Variants in EPHB1 observed in about 807,000 individuals in gnomAD.
The protein encoded by EPHB1 is ephrin type-B receptor 1.
EPHB1 carries 30 observed loss-of-function variants against 94.4 expected under a neutral mutation model. The ratio of observed to expected loss-of-function variants is 0.32; its 90% CI spans 0.24 to 0.43. The LOEUF (loss-of-function observed/expected upper bound fraction) is 0.43. EPHB1 is among the 20% of genes least tolerant of loss of function. The pLI, the probability that EPHB1 is intolerant of heterozygous loss-of-function variation, is 1.00. For synonymous variants in EPHB1, 522 were observed against 489.1 expected, an observed-to-expected ratio of 1.07 and a Z score of -0.89; for missense variants, 1,055 against 1,308.3, an observed-to-expected ratio of 0.81 and a Z score of 2.99.
At chr3:135,235,756 T>C (rs1266174604) in intron 12 of EPHB1, among the ~76,000 whole-genome samples, 1 of 152,148 alleles carries the variant, frequency 6.6e-6, no homozygotes, top group Non-Finnish European at 1.5e-5. Context: ...GGAGTGGCCA[T>C]CTGAGTCTGG....
chr3:135,152,325 G>A (rs1046548811), intron 5 of EPHB1, among the ~76,000 whole-genome samples: 1 of 152,188 alleles, frequency 6.6e-6, no homozygotes, highest in Non-Finnish European at 1.5e-5. Flanking sequence ...ATGTAAATTG[G>A]TGAGACTTAC....
intron 12 of EPHB1, among the ~76,000 whole-genome samples, chr3:135,225,351 G>A (rs1943369399): frequency 6.6e-6 from 1 of 152,200 alleles, no homozygotes; most frequent in Admixed American, 6.5e-5. Context: ...GCTTGCCACT[G>A]ACAGATGTCA....
intron 1 of EPHB1, among the ~76,000 whole-genome samples, chr3:134,906,990 T>C (rs2038345500): frequency 6.6e-6 from 1 of 152,248 alleles, no homozygotes; most frequent in East Asian, 1.9e-4. Context: ...TTATAAACTC[T>C]AATGGCTAGA....
intron 3 of EPHB1, among the ~76,000 whole-genome samples, chr3:135,105,184 T>C (rs896484876): frequency 3.9e-5 from 6 of 152,234 alleles, no homozygotes; most frequent in African/African-American, 1.4e-4. Flanking sequence ...TAGCTTTCTA[T>C]AAGTAGAAAC....
At chr3:134,971,867 G>A (rs1028174712) in intron 3 of EPHB1, among the ~76,000 whole-genome samples, 3 of 152,146 alleles carry the variant, frequency 2.0e-5, no homozygotes, top group African/African-American at 7.2e-5. Flanking sequence ...GACCAAGTGG[G>A]CTAAAATTCT....
intron 12 of EPHB1, among the ~76,000 whole-genome samples, chr3:135,210,400 A>G (rs915952457): frequency 2.6e-5 from 4 of 152,208 alleles, no homozygotes; most frequent in African/African-American, 7.2e-5. Context: ...CCAAATGAAG[A>G]TGCACATTTA....
At chr3:134,821,366 TCACAG>T (rs2108289985) in intron 1 of EPHB1, among the ~76,000 whole-genome samples, 1 of 151,862 alleles carries the variant, frequency 6.6e-6, no homozygotes, top group South Asian at 2.1e-4. Flanking sequence ...AAGTTAACCA[TCACAG>T]GATTTTTAAA....
intron 1 of EPHB1, among the ~76,000 whole-genome samples, chr3:134,811,109 A>G (rs1393562529): frequency 6.6e-6 from 1 of 151,914 alleles, no homozygotes; most frequent in African/African-American, 2.4e-5. Context: ...TTAGCCTCCC[A>G]GGTGAGAATT....
chr3:135,199,328 G>A (rs1266126156), intron 11 of EPHB1, among the ~76,000 whole-genome samples: 2 of 152,174 alleles, frequency 1.3e-5, no homozygotes, highest in Non-Finnish European at 2.9e-5. Context: ...GACCTACTTG[G>A]AGAAAATGCT....
chr3:134,894,333 C>G (rs1476625204), intron 1 of EPHB1, among the ~76,000 whole-genome samples: 3 of 152,212 alleles, frequency 2.0e-5, no homozygotes, highest in Non-Finnish European at 4.4e-5. Context: ...CAGGTCACCC[C>G]TCTCTTGGGC....
chr3:135,013,998 G>A (rs750889838), intron 3 of EPHB1, among the ~76,000 whole-genome samples: 16 of 152,082 alleles, frequency 1.1e-4, no homozygotes, highest in African/African-American at 7.2e-5. Flanking sequence ...TGCTTGAGTC[G>A]GGAGCCATGG....
chr3:134,889,480 A>C (rs990880374), intron 1 of EPHB1, among the ~76,000 whole-genome samples: 1 of 152,134 alleles, frequency 6.6e-6, no homozygotes, highest in African/African-American at 2.4e-5. Flanking sequence ...GGACAAGTAG[A>C]TATCCCTCTG....
chr3:134,996,014 C>A (rs1006052952), intron 3 of EPHB1, among the ~76,000 whole-genome samples: 5 of 151,952 alleles, frequency 3.3e-5, no homozygotes, highest in Admixed American at 2.6e-4. Flanking sequence ...TCATTTCTCT[C>A]CTTCATGTGA....
intron 12 of EPHB1, among the ~76,000 whole-genome samples, chr3:135,228,002 A>G (rs1177252063): frequency 1.3e-5 from 2 of 152,196 alleles, no homozygotes; most frequent in Non-Finnish European, 2.9e-5. Flanking sequence ...AGGGAGGGAT[A>G]TTCTCTTACA....
intron 4 of EPHB1, among the ~76,000 whole-genome samples, chr3:135,125,124 G>A (rs1343792868): frequency 1.3e-5 from 2 of 151,718 alleles, no homozygotes; most frequent in Middle Eastern, 3.4e-3. Flanking sequence ...TTGAGAGGTG[G>A]ATGTCTTTGG....
At chr3:135,076,334 G>A (rs1937920732) in intron 3 of EPHB1, among the ~76,000 whole-genome samples, 1 of 150,720 alleles carries the variant, frequency 6.6e-6, no homozygotes, top group Non-Finnish European at 1.5e-5. Flanking sequence ...GGGGATTTCA[G>A]CAAAGAAGAT....
rs1941291200 is a variant in EPHB1 at position 135,154,434 on chromosome 3, C to T, written c.1422+158C>T. The T allele has an allele frequency of 4.0e-6, 4 of 1,010,572 alleles. No homozygotes were observed. The Admixed American group carries it at 8.7e-5, about 22-fold the overall frequency. The allele number at this position is 1,010,572 out of a possible 1,614,324, so 62.6% of individuals were successfully genotyped here. On this transcript the variant is annotated intron_variant, in intron 6 of 15. Transcript: ENST00000398015. ...CCTGGGAGAGTTCTCCAGGTCTGCC[C>T]TGACAAAGCCTTGTTCAAAGCCCAG...
rs776717237 is a variant in EPHB1 at position 135,249,510 on chromosome 3, T to A, written c.2846+19T>A. On this transcript the variant is annotated intron_variant, in intron 15 of 15. Coordinates refer to ENST00000398015, the MANE Select transcript of EPHB1 (RefSeq NM_004441.5). ...CATCAGAGTAAGTGATGAGAATCTC[T>A]CTGTCCAGACCACACCTAGGGGTCA... The A allele has an allele frequency of 9.3e-6, 15 of 1,610,048 alleles. No homozygotes were observed. In the East Asian group the frequency reaches 2.7e-4, roughly 29 times the overall value.
At chr3:135,202,542 G>A (rs1576465847) in intron 12 of EPHB1, among the ~76,000 whole-genome samples, 1 of 151,964 alleles carries the variant, frequency 6.6e-6, no homozygotes, top group Admixed American at 6.6e-5. Context: ...CTTTCCTTTT[G>A]TCTCCTTACA....
Sources: gnomAD v4.1 joint callset for allele counts (sites outside exome capture counted in the v4.1 genomes callset) on GRCh38, gnomAD v4.1.1 for gene constraint, MANE v1.5 for transcripts, NCBI Gene and HGNC (gene_info 2026-07-23, HGNC 2026-07-21) for gene names.